SAMD12: variants seen among roughly 807,000 people sequenced by gnomAD.
SAMD12 encodes sterile alpha motif domain-containing protein 12.
SAMD12 carries 9 observed loss-of-function variants against 15.0 expected under a neutral mutation model. The observed-to-expected ratio is 0.60, with a 90% CI of 0.36 to 1.05. SAMD12 has a LOEUF of 1.05. SAMD12 is among the 50% of genes least tolerant of loss of function. The pLI is 0.01. For missense variants in SAMD12, 230 were observed against 234.2 expected, an observed-to-expected ratio of 0.98 and a Z score of 0.12; for synonymous variants, 86 against 90.1, an observed-to-expected ratio of 0.96 and a Z score of 0.25.
chr8:118,169,479 G>T, the SAMD12 span, among the ~76,000 whole-genome samples: 1 of 152,138 alleles, frequency 6.6e-6, no homozygotes, highest in Non-Finnish European at 1.5e-5. Flanking sequence ...GCATGTTGGG[G>T]CTACATTTCT....
At chr8:118,190,579 T>C (rs1433605926) in exon 5 of SAMD12, 3 of 152,122 alleles carry the variant, frequency 2.0e-5, no homozygotes, top group Non-Finnish European at 4.4e-5. Context: ...TCTGTTTCCT[T>C]TGTAAATCCC....
At chr8:118,271,742 T>C (rs1297229077) in intron 4 of SAMD12, among the ~76,000 whole-genome samples, 1 of 152,168 alleles carries the variant, frequency 6.6e-6, no homozygotes, top group African/African-American at 2.4e-5. Flanking sequence ...TGAAATCCAA[T>C]AGGGCAGTCA....
At chr8:118,532,685 G>A (rs187164748) in intron 2 of SAMD12, among the ~76,000 whole-genome samples, 42 of 152,248 alleles carry the variant, frequency 2.8e-4, no homozygotes, top group African/African-American at 9.1e-4. Context: ...ATGTGTCCAG[G>A]AATTTATCAG....
rs1345069030 is a variant in SAMD12 at position 118,379,607 on chromosome 8, T to C, written c.416A>G (p.Gln139Arg). 2 of 1,614,008 alleles carry C rather than the reference T, an allele frequency of 1.2e-6. No individual in the cohort carries two copies. The highest frequency in any genetic ancestry group is 1.7e-4 in the Middle Eastern group (1 of 6,060). ...TCTGACTTCTTCTCGCACCTTCAGC[T>C]GGAGCACCTGTTGTAAGATGTGCTG... is the stretch of plus-strand genomic sequence containing the variant. ...LRQHILQQVL[Q>R]LKVREEVRNL... Residue 139 changes from glutamine to arginine, a missense_variant, in exon 4 of 4, where the codon CAG becomes CGG. Transcript: ENST00000314727.
intron 1 of SAMD12, among the ~76,000 whole-genome samples, chr8:118,614,041 G>T (rs1282170984): frequency 6.6e-6 from 1 of 152,144 alleles, no homozygotes; most frequent in Non-Finnish European, 1.5e-5. Context: ...ATTACACTTT[G>T]TTGGTGTTCT....
intron 4 of SAMD12, among the ~76,000 whole-genome samples, chr8:118,342,924 T>C (rs1035314320): frequency 3.3e-5 from 5 of 152,146 alleles, no homozygotes; most frequent in Admixed American, 6.5e-5. Context: ...GGTGGTAGCA[T>C]TGCAGTCAAG....
chr8:118,529,348 T>C (rs981831758), intron 2 of SAMD12, among the ~76,000 whole-genome samples: 1 of 152,214 alleles, frequency 6.6e-6, no homozygotes, highest in Non-Finnish European at 1.5e-5. Flanking sequence ...AACATTTCCT[T>C]TGGGCTTTCA....
At chr8:118,267,894 C>T (rs1813246320) in intron 4 of SAMD12, among the ~76,000 whole-genome samples, 1 of 151,998 alleles carries the variant, frequency 6.6e-6, no homozygotes, top group Non-Finnish European at 1.5e-5. Flanking sequence ...AGTTTGAGAC[C>T]AGCCTGGCCA....
intron 2 of SAMD12, among the ~76,000 whole-genome samples, chr8:118,525,198 C>G (rs1219782196): frequency 6.6e-6 from 1 of 152,132 alleles, no homozygotes; most frequent in African/African-American, 2.4e-5. Context: ...TGTGTTTCCT[C>G]TGTTGTGATG....
chr8:118,160,670 T>C, the SAMD12 span, among the ~76,000 whole-genome samples: 2 of 152,234 alleles, frequency 1.3e-5, no homozygotes, highest in Non-Finnish European at 2.9e-5. Context: ...TTGAGCCATA[T>C]ACAAAAGTTG....
intron 2 of SAMD12, among the ~76,000 whole-genome samples, chr8:118,488,155 C>T (rs1335852847): frequency 2.0e-5 from 3 of 151,872 alleles, no homozygotes; most frequent in African/African-American, 7.3e-5. Flanking sequence ...TTACCCCAAA[C>T]ACGTTTTGTT....
At chr8:118,461,480 A>G in intron 2 of SAMD12, among the ~76,000 whole-genome samples, 1 of 152,192 alleles carries the variant, frequency 6.6e-6, no homozygotes, top group South Asian at 2.1e-4. Flanking sequence ...TTTTCATGCT[A>G]TACTCCCAAT....
intron 3 of SAMD12, among the ~76,000 whole-genome samples, chr8:118,423,925 C>T (rs1016354506): frequency 6.6e-6 from 1 of 152,066 alleles, no homozygotes; most frequent in African/African-American, 2.4e-5. Flanking sequence ...TGGTTTTCCC[C>T]AACATGATGA....
At chr8:118,370,326 A>G (rs989591672) in intron 4 of SAMD12, among the ~76,000 whole-genome samples, 1 of 152,180 alleles carries the variant, frequency 6.6e-6, no homozygotes, top group Non-Finnish European at 1.5e-5. Flanking sequence ...ATGCTTTTAC[A>G]CTGTTGGTGG....
chr8:118,521,005 C>T (rs373087605), intron 2 of SAMD12, among the ~76,000 whole-genome samples: 1 of 152,070 alleles, frequency 6.6e-6, no homozygotes, highest in Admixed American at 6.6e-5. Context: ...GACTCTGTGT[C>T]GATTTACAAT....
At chr8:118,493,516 T>A (rs892073670) in intron 2 of SAMD12, among the ~76,000 whole-genome samples, 2 of 152,184 alleles carry the variant, frequency 1.3e-5, no homozygotes, top group African/African-American at 4.8e-5. Flanking sequence ...AAAATATCCA[T>A]GTTCTATCCC....
chr8:118,272,473 T>A lies in SAMD12; in HGVS notation c.434-74741A>T, dbSNP rs188301523. On this transcript the variant is annotated intron_variant, in intron 4 of 4. Transcript: ENST00000409003. ...CTTACCCTGGAGACATATTACCCAT[T>A]GTCTGGGTGATTAACATTTGGCGCC... is the stretch of plus-strand genomic sequence containing the variant. 3.9e-5 allele frequency among the ~76,000 whole-genome samples: 6 copies of A among 152,330 alleles called. No homozygotes were observed. The East Asian group carries it at 1.2e-3, about 29-fold the overall frequency.
chr8:118,589,569 G>C (rs1827529335), intron 1 of SAMD12, among the ~76,000 whole-genome samples: 1 of 152,212 alleles, frequency 6.6e-6, no homozygotes, highest in Non-Finnish European at 1.5e-5. Flanking sequence ...GACTTTAGAA[G>C]ATGTCCAAGG....
intron 1 of SAMD12, among the ~76,000 whole-genome samples, chr8:118,583,438 A>G (rs1271464316): frequency 6.6e-6 from 1 of 151,952 alleles, no homozygotes; most frequent in Non-Finnish European, 1.5e-5. Flanking sequence ...TTGGCATGGG[A>G]TGGATTCAGA....
Sources: allele counts gnomAD v4.1 joint callset (sites outside exome capture counted in the v4.1 genomes callset), GRCh38; gene constraint gnomAD v4.1.1; transcripts MANE v1.5; gene names NCBI Gene and HGNC (gene_info 2026-07-23, HGNC 2026-07-21).